P3H2: variants seen among roughly 807,000 people sequenced by gnomAD.
P3H2 encodes leprecan-like 1.
Under a neutral mutation model 87.0 loss-of-function variants are expected in P3H2, and 80 were observed. The ratio of observed to expected loss-of-function variants is 0.92; its 90% CI spans 0.77 to 1.11. P3H2 has a LOEUF of 1.11. P3H2 is among the 50% of genes least tolerant of loss of function. The probability of loss-of-function intolerance (pLI) is 0.00; values close to 1 mark genes in which losing one functional copy is unlikely to be tolerated. For missense variants in P3H2, 1,001 were observed against 923.9 expected (o/e 1.08, Z -1.08); for synonymous variants, 367 against 359.3 (o/e 1.02, Z -0.24).
rs184420869 is a variant in P3H2 at position 189,967,490 on chromosome 3, C to T, written c.1893+3326G>A. 3.9e-3 allele frequency among the ~76,000 whole-genome samples: 573 copies of T among 148,240 alleles called. 5 individuals carry two copies. Among genetic ancestry groups the T allele is most frequent in the Middle Eastern group, 0.021 (6 of 290 alleles). On this transcript the variant is annotated intron_variant, in intron 13 of 14. Transcript: ENST00000319332. ...GGAGAAGCAAAGAAATCTTTTCAAC[C>T]ACCTGTCTGACTTTCTTTGAAACTG...
intron 1 of P3H2, among the ~76,000 whole-genome samples, chr3:190,010,987 A>G (rs1724568426): frequency 6.6e-6 from 1 of 152,178 alleles, no homozygotes; most frequent in Non-Finnish European, 1.5e-5. Flanking sequence ...TTACGACATT[A>G]AAACAGAATG....
chr3:189,979,852 CA>C (rs1345691796), intron 8 of P3H2, among the ~76,000 whole-genome samples: 1 of 151,266 alleles, frequency 6.6e-6, no homozygotes, highest in African/African-American at 2.4e-5. Flanking sequence ...CCTGTAGTCC[CA>C]GCTACTCGGG....
chr3:190,081,237 A>C (rs1050178653), intron 1 of P3H2, among the ~76,000 whole-genome samples: 2 of 152,212 alleles, frequency 1.3e-5, no homozygotes, highest in African/African-American at 4.8e-5. Flanking sequence ...GTAGTTTGAC[A>C]CATGGAAGCC....
chr3:189,988,053 T>C (rs143577233), intron 4 of P3H2, among the ~76,000 whole-genome samples: 18 of 152,300 alleles, frequency 1.2e-4, no homozygotes, highest in African/African-American at 4.3e-4. Flanking sequence ...TAATGTACCA[T>C]TTTATATATA....
chr3:190,072,069 C>A (rs1164496313), intron 1 of P3H2, among the ~76,000 whole-genome samples: 1 of 151,278 alleles, frequency 6.6e-6, no homozygotes, highest in East Asian at 1.9e-4. Flanking sequence ...GCAACCTCCA[C>A]CTCCCAGGTT....
At chr3:190,055,921 G>A (rs940057122) in intron 1 of P3H2, among the ~76,000 whole-genome samples, 1 of 152,104 alleles carries the variant, frequency 6.6e-6, no homozygotes, top group Admixed American at 6.6e-5. Flanking sequence ...TGGACTGTTC[G>A]TGTCCACCCA....
In P3H2 at chr3:189,972,864, G is replaced by A; in HGVS notation, c.1699+10C>T. 6.2e-7 allele frequency: 1 copy of A among 1,613,892 alleles called. No individual in the cohort carries two copies. Among genetic ancestry groups the A allele is most frequent in the Non-Finnish European group, 8.5e-7 (1 of 1,179,848 alleles). On this transcript the variant is annotated intron_variant, in intron 11 of 14. Transcript: ENST00000319332. ...GGGTAAAAGGGAACCATTTCAGACT[G>A]CAATCTCACCAGACAGGGCTGTTCG...
intron 1 of P3H2, among the ~76,000 whole-genome samples, chr3:190,046,417 G>A (rs1302672055): frequency 1.3e-5 from 2 of 152,136 alleles, no homozygotes; most frequent in African/African-American, 2.4e-5. Context: ...GAAGATGAAA[G>A]GAAGAACAGT....
intron 1 of P3H2, among the ~76,000 whole-genome samples, chr3:190,014,853 C>T (rs1420422566): frequency 6.6e-6 from 1 of 151,962 alleles, no homozygotes; most frequent in Non-Finnish European, 1.5e-5. Context: ...AAGGAGGGAG[C>T]CTTGGTAAGA....
At chr3:190,057,482 C>T (rs1253211093) in intron 1 of P3H2, among the ~76,000 whole-genome samples, 2 of 152,128 alleles carry the variant, frequency 1.3e-5, no homozygotes, top group African/African-American at 4.8e-5. Context: ...CTTCTAAGGC[C>T]TACCATCTAC....
chr3:190,006,141 G>C (rs1321672979), intron 1 of P3H2, among the ~76,000 whole-genome samples: 1 of 152,178 alleles, frequency 6.6e-6, no homozygotes, highest in African/African-American at 2.4e-5. Flanking sequence ...AAGTTTGGGA[G>C]AGATCTACTT....
intron 1 of P3H2, among the ~76,000 whole-genome samples, chr3:190,029,603 C>T (rs1725190535): frequency 6.6e-6 from 1 of 151,996 alleles, no homozygotes; most frequent in Admixed American, 6.6e-5. Context: ...AATCTTTATC[C>T]ACATTGTTAT....
At chr3:190,073,298 C>T (rs1180392657) in intron 1 of P3H2, among the ~76,000 whole-genome samples, 2 of 152,176 alleles carry the variant, frequency 1.3e-5, no homozygotes, top group African/African-American at 4.8e-5. Flanking sequence ...GGCAGGAAAC[C>T]CAAGAGGTCA....
intron 3 of P3H2, among the ~76,000 whole-genome samples, chr3:189,992,761 AAT>A (rs1306228749): frequency 6.6e-6 from 1 of 152,200 alleles, no homozygotes; most frequent in African/African-American, 2.4e-5. Flanking sequence ...AATAGATAAA[AAT>A]ATGTTAAGTG....
chr3:189,998,509 A>G (rs542421923), intron 1 of P3H2, among the ~76,000 whole-genome samples: 4 of 152,248 alleles, frequency 2.6e-5, no homozygotes, highest in Admixed American at 6.5e-5. Context: ...GTACCACAAT[A>G]TACTCTCAAC....
At chr3:190,032,173 T>C (rs897409673) in intron 1 of P3H2, among the ~76,000 whole-genome samples, 2 of 152,218 alleles carry the variant, frequency 1.3e-5, no homozygotes, top group Non-Finnish European at 2.9e-5. Context: ...TATAAATTAT[T>C]TGTTATCTCT....
Position 190,028,008 on chromosome 3 carries a change from T to A in P3H2, c.481-32566A>T, listed in dbSNP as rs532082248. Among the ~76,000 whole-genome samples, 69 of 151,912 alleles carry A rather than the reference T, an allele frequency of 4.5e-4. No homozygotes were observed. In the South Asian group the frequency reaches 0.014, roughly 32 times the overall value. ...AAAGAACCAGGCTTCCACTACCTCC[T>A]CTGCTCATATTGTCTCTTGAGCCCT... On this transcript the variant is annotated intron_variant, in intron 1 of 14. Transcript: ENST00000319332.
chr3:189,982,420 A>C (rs1382891314), intron 8 of P3H2, among the ~76,000 whole-genome samples: 1 of 152,180 alleles, frequency 6.6e-6, no homozygotes, highest in East Asian at 1.9e-4. Context: ...GGCTCTACTT[A>C]AAAACTGTTT....
At chr3:189,967,723 G>A (rs1347618725) in intron 13 of P3H2, among the ~76,000 whole-genome samples, 1 of 151,952 alleles carries the variant, frequency 6.6e-6, no homozygotes, top group Non-Finnish European at 1.5e-5. Context: ...CAAAAAGTGA[G>A]GCATCATGAC....
Sources: allele counts gnomAD v4.1 joint callset (sites outside exome capture counted in the v4.1 genomes callset), GRCh38; gene constraint gnomAD v4.1.1; transcripts MANE v1.5; gene names NCBI Gene and HGNC (gene_info 2026-07-23, HGNC 2026-07-21).